TRPM5: variants seen among roughly 807,000 people sequenced by gnomAD.
TRPM5 encodes transient receptor potential cation channel subfamily M member 5, also known as MLSN1 and TRP-related.
In TRPM5, 121 loss-of-function variants were observed where a neutral mutation model predicts 124.9. That is an observed-to-expected ratio of 0.97 (90% CI 0.84 to 1.13). The LOEUF (loss-of-function observed/expected upper bound fraction) is 1.13. Among genes scored for constraint, TRPM5 ranks in the 50% most tolerant of loss-of-function variants. The probability of loss-of-function intolerance (pLI) is 0.00; values close to 1 mark genes in which losing one functional copy is unlikely to be tolerated. For synonymous variants in TRPM5, 781 were observed against 700.5 expected (o/e 1.11, Z -1.81); for missense variants, 1,643 against 1,589.1 (o/e 1.03, Z -0.58).
At chr11:2,423,036 T>C (rs1227594398) in exon 1 of TRPM5, 3 of 1,609,968 alleles carry the variant, frequency 1.9e-6, no homozygotes, top group Non-Finnish European at 2.5e-6. Context: ...ACATCCTGCA[T>C]GGTGGCCTCT....
At chr11:2,433,389 C>A in the TRPM5 span, among the ~76,000 whole-genome samples, 3 of 152,074 alleles carry the variant, frequency 2.0e-5, no homozygotes, top group Admixed American at 6.5e-5. Flanking sequence ...CAAGGGCTGC[C>A]CGGCCAACTC....
chr11:2,417,710 A>ATTC lies in TRPM5; in HGVS notation c.1009+16_1009+17insGAA. On this transcript the variant is annotated intron_variant, in intron 7 of 23. Coordinates refer to ENST00000155858, the Ensembl canonical transcript of TRPM5. Reference sequence around the variant, plus strand: ...CCCCCCAATGGCGCCTGCCTTGCCCACCCTGCCCGCCCTCACCTTTCACCA... The same window carrying ATTC: ...CCCCCCAATGGCGCCTGCCTTGCCCATTCCCCTGCCCGCCCTCACCTTTCACCA... 3.0e-6 allele frequency: 1 copy of ATTC among 335,806 alleles called. No individual in the cohort carries two copies. Among genetic ancestry groups the ATTC allele is most frequent in the South Asian group, 2.8e-5 (1 of 35,226 alleles). The allele number at this position is 335,806 out of a possible 1,614,324, so 20.8% of individuals were successfully genotyped here.
chr11:2,430,729 CGGTGAT>C, the TRPM5 span, among the ~76,000 whole-genome samples: 62 of 67,228 alleles, frequency 9.2e-4, no homozygotes, highest in South Asian at 1.0e-2. Flanking sequence ...GTTTTGGTGG[CGGTGAT>C]GGTGATGGTG....
chr11:2,432,608 C>T, the TRPM5 span, among the ~76,000 whole-genome samples: 1 of 152,254 alleles, frequency 6.6e-6, no homozygotes, highest in Non-Finnish European at 1.5e-5. Flanking sequence ...GGCTCCCCAC[C>T]TGCACCACAG....
chr11:2,434,253 C>T, the TRPM5 span, among the ~76,000 whole-genome samples: 2 of 148,644 alleles, frequency 1.3e-5, no homozygotes, highest in Non-Finnish European at 3.0e-5. Context: ...TGCGTGGACA[C>T]TGTGTGTGCG....
intron 18 of TRPM5, among the ~76,000 whole-genome samples, chr11:2,409,535 G>T (rs534575068): frequency 1.3e-5 from 2 of 152,346 alleles, no homozygotes; most frequent in Admixed American, 6.5e-5. Flanking sequence ...GCAGAGTGGG[G>T]CAGGGGTCTG....
the TRPM5 span, among the ~76,000 whole-genome samples, chr11:2,435,719 ATC>A: frequency 2.0e-5 from 3 of 150,040 alleles, no homozygotes; most frequent in Non-Finnish European, 4.4e-5. This position sits in a 1 kb window ranked among gnomAD's most constrained non-coding sequence, Gnocchi z 4.1. Flanking sequence ...CCATCCACCA[ATC>A]TGTGTATCCA....
chr11:2,412,834 G>A (rs1850479204), exon 15 of TRPM5: 1 of 1,603,280 alleles, frequency 6.2e-7, no homozygotes, highest in South Asian at 1.1e-5. Context: ...TGGGGGGGCG[G>A]CCTGAAGTCC....
chr11:2,429,560 A>C, the TRPM5 span, among the ~76,000 whole-genome samples: 1 of 150,988 alleles, frequency 6.6e-6, no homozygotes, highest in Non-Finnish European at 1.5e-5. This position sits in a 1 kb window ranked among gnomAD's most constrained non-coding sequence, Gnocchi z 8.4. Flanking sequence ...GGTGATAATG[A>C]TCCTGGTGGT....
At chr11:2,412,692 G>C (rs1850476458) in intron 15 of TRPM5, 62 bp downstream of exon 20, 1 of 1,497,518 alleles carries the variant, frequency 6.7e-7, no homozygotes, top group African/African-American at 1.4e-5. Flanking sequence ...GCAGGACCCA[G>C]CTTAGGTTGC....
intron 18 of TRPM5, among the ~76,000 whole-genome samples, chr11:2,410,918 C>G (rs1330683267): frequency 1.3e-5 from 2 of 152,180 alleles, no homozygotes; most frequent in African/African-American, 4.8e-5. Flanking sequence ...AGGCCAGGGG[C>G]TGTGAGGAGA....
chr11:2,408,621 C>T (rs1850374320), intron 18 of TRPM5, among the ~76,000 whole-genome samples: 1 of 152,180 alleles, frequency 6.6e-6, no homozygotes, highest in South Asian at 2.1e-4. Context: ...GATCTCACTC[C>T]AGTCCCTTAA....
the TRPM5 span, among the ~76,000 whole-genome samples, chr11:2,443,420 C>A: frequency 6.6e-6 from 1 of 152,218 alleles, no homozygotes; most frequent in Non-Finnish European, 1.5e-5. This position sits in a 1 kb window ranked among gnomAD's most constrained non-coding sequence, Gnocchi z 5.0. Context: ...CATCTTCTGA[C>A]CCGCTGCCCT....
At chr11:2,423,721 G>A (rs55973842), upstream of TRPM5, among the ~76,000 whole-genome samples, 1 of 152,200 alleles carries the variant, frequency 6.6e-6, no homozygotes, top group Non-Finnish European at 1.5e-5. Flanking sequence ...GTGCGCCTCA[G>A]CCCTATTCCC....
the TRPM5 span, among the ~76,000 whole-genome samples, chr11:2,428,553 G>A: frequency 6.6e-6 from 1 of 152,088 alleles, no homozygotes; most frequent in Admixed American, 6.5e-5. The surrounding 1 kb of genome is among the most constrained non-coding windows in gnomAD (Gnocchi z 4.0). Context: ...TGATGGCGGT[G>A]TTTGTGATGA....
At chr11:2,413,964 A>G (rs1850510466) in intron 12 of TRPM5, 97 bp downstream of exon 17, 1 of 1,482,892 alleles carries the variant, frequency 6.7e-7, no homozygotes, top group Non-Finnish European at 9.1e-7. Flanking sequence ...CGGGAGTGAC[A>G]GGGCAGCTGC....
At chr11:2,440,984 A>G in the TRPM5 span, among the ~76,000 whole-genome samples, 7 of 152,172 alleles carry the variant, frequency 4.6e-5, no homozygotes, top group African/African-American at 1.7e-4. This position sits in a 1 kb window ranked among gnomAD's most constrained non-coding sequence, Gnocchi z 5.2. Context: ...CTGGAGGAAC[A>G]TGAGGTGAGC....
At chr11:2,424,912 C>T (rs2898880), upstream of TRPM5, among the ~76,000 whole-genome samples, 64,466 of 152,134 alleles carry the variant, frequency 0.42, 14,790 homozygotes, top group East Asian at 0.65. Context: ...CCCCCTCCTC[C>T]GGCCAGGCCT....
Position 2,415,056 on chromosome 11 carries a change from C to G in TRPM5, c.1480-9G>C. ...TTGGCCGGGCCCTTCTCCTGGAGGA[C>G]ACGGGCGTCGGCCTCCTGCTGCGGC... On this transcript the variant is annotated splice_polypyrimidine_tract_variant and intron_variant, in intron 9 of 23. Coordinates refer to ENST00000155858, the Ensembl canonical transcript of TRPM5. The G allele has an allele frequency of 6.3e-7, 1 of 1,597,872 alleles. No homozygotes were observed. The highest frequency in any genetic ancestry group is 8.5e-7 in the Non-Finnish European group (1 of 1,177,820).
Sources: allele counts gnomAD v4.1 joint callset (sites outside exome capture counted in the v4.1 genomes callset), GRCh38; gene constraint gnomAD v4.1.1; non-coding constraint Gnocchi (gnomAD v3.1); transcripts MANE v1.5; gene names NCBI Gene and HGNC (gene_info 2026-07-23, HGNC 2026-07-21).